Variants in DTNA observed in about 807,000 individuals in gnomAD.
DTNA encodes dystrobrevin alpha, also known as dystrophin-related protein 3.
In DTNA, 43 loss-of-function variants were observed where a neutral mutation model predicts 100.7. The ratio of observed to expected loss-of-function variants is 0.43; its 90% CI spans 0.33 to 0.55. The LOEUF (loss-of-function observed/expected upper bound fraction) is 0.55, where lower values mean the gene tolerates loss of function less well. DTNA is among the 20% of genes least tolerant of loss of function. The pLI is 0.04. For synonymous variants in DTNA, 349 were observed against 347.9 expected (o/e 1.00, Z -0.04); for missense variants, 798 against 953.9 (o/e 0.84, Z 2.15).
intron 1 of DTNA, among the ~76,000 whole-genome samples, chr18:34,668,158 G>A (rs1171674956): frequency 6.6e-6 from 1 of 152,172 alleles, no homozygotes; most frequent in Non-Finnish European, 1.5e-5. Flanking sequence ...TCTTGGGAGG[G>A]TGTATGTGTT....
rs147135020 is a variant in DTNA, at chr18:34,670,593, G to A, written c.-1-85383G>A. ...CTTTGATGATGGTGACATACAGATG[G>A]GGTTTTGGTGTGGATGTCCTTTCTG... On this transcript the variant is annotated intron_variant, in intron 1 of 19. Coordinates refer to the DTNA transcript ENST00000283365. 7.4e-3 allele frequency among the ~76,000 whole-genome samples: 1,126 copies of A among 152,266 alleles called. 16 individuals are homozygous for A. The highest frequency in any genetic ancestry group is 0.026 in the African/African-American group (1,088 of 41,546).
At chr18:34,788,160 C>T (rs2094575383) in intron 3 of DTNA, among the ~76,000 whole-genome samples, 1 of 152,162 alleles carries the variant, frequency 6.6e-6, no homozygotes, top group Non-Finnish European at 1.5e-5. Flanking sequence ...GTCATTATTA[C>T]ACAACCTAAA....
At chr18:34,823,083 T>A (rs2095766482) in intron 9 of DTNA, among the ~76,000 whole-genome samples, 1 of 152,232 alleles carries the variant, frequency 6.6e-6, no homozygotes, top group South Asian at 2.1e-4. Context: ...TTTTTCCATA[T>A]TTGTTTCTTT....
chr18:34,685,424 G>C (rs1404457135), intron 1 of DTNA, among the ~76,000 whole-genome samples: 2 of 152,126 alleles, frequency 1.3e-5, no homozygotes, highest in Non-Finnish European at 2.9e-5. Context: ...GTTTGTGTCA[G>C]GTTTGTCAAA....
chr18:34,650,142 C>T (rs1243872807), intron 1 of DTNA, among the ~76,000 whole-genome samples: 3 of 152,242 alleles, frequency 2.0e-5, no homozygotes, highest in Admixed American at 6.5e-5. Flanking sequence ...CTCCGTTGCA[C>T]GGATCAGCCA....
chr18:34,565,762 A>G (rs1416910986), intron 1 of DTNA, among the ~76,000 whole-genome samples: 2 of 152,180 alleles, frequency 1.3e-5, no homozygotes, highest in Non-Finnish European at 2.9e-5. Flanking sequence ...CCCAAGATCT[A>G]ACTTAATTAT....
intron 1 of DTNA, among the ~76,000 whole-genome samples, chr18:34,603,794 T>A (rs575306413): frequency 6.6e-6 from 1 of 152,338 alleles, no homozygotes; most frequent in Non-Finnish European, 1.5e-5. Flanking sequence ...TTATTATTTC[T>A]TTATGAAGAC....
At chr18:34,513,889 C>G (rs1204422552) in intron 1 of DTNA, 2 of 152,144 alleles carry the variant, frequency 1.3e-5, no homozygotes, top group African/African-American at 4.8e-5. Context: ...CAAATCTCTT[C>G]AATAGAAACC....
chr18:34,858,425 A>C, intron 16 of DTNA, 27 bp downstream of exon 16: 166 of 1,599,598 alleles, frequency 1.0e-4, no homozygotes, highest in Non-Finnish European at 1.3e-4. Flanking sequence ...ATGTCATCTC[A>C]GGGAATATAT....
intron 1 of DTNA, among the ~76,000 whole-genome samples, chr18:34,595,363 G>T (rs551161801): frequency 6.6e-6 from 1 of 151,702 alleles, no homozygotes; most frequent in South Asian, 2.1e-4. Context: ...TGTGGGATTT[G>T]GGTTTTTTTT....
At chr18:34,665,585 C>T (rs970612113) in intron 1 of DTNA, among the ~76,000 whole-genome samples, 1 of 152,128 alleles carries the variant, frequency 6.6e-6, no homozygotes, top group Non-Finnish European at 1.5e-5. Flanking sequence ...CCCTCCACCC[C>T]ACAACAGGCC....
At chr18:34,659,554 C>A (rs955979687) in intron 1 of DTNA, among the ~76,000 whole-genome samples, 15 of 152,036 alleles carry the variant, frequency 9.9e-5, no homozygotes, top group Admixed American at 6.6e-5. Context: ...TCAGTTTGAA[C>A]ATGTTTTTCC....
intron 1 of DTNA, among the ~76,000 whole-genome samples, chr18:34,729,496 G>T (rs772227428): frequency 2.6e-5 from 4 of 152,172 alleles, no homozygotes; most frequent in Non-Finnish European, 4.4e-5. Flanking sequence ...TCAGAACCCC[G>T]CTCTGAGGAA....
intron 3 of DTNA, among the ~76,000 whole-genome samples, chr18:34,775,465 G>C (rs368089873): frequency 6.6e-6 from 1 of 152,074 alleles, no homozygotes; most frequent in African/African-American, 2.4e-5. Flanking sequence ...CTGGGCGACA[G>C]AGCGAGACTC....
intron 17 of DTNA, among the ~76,000 whole-genome samples, chr18:34,864,645 G>A (rs903115558): frequency 6.6e-6 from 1 of 152,170 alleles, no homozygotes; most frequent in Non-Finnish European, 1.5e-5. Flanking sequence ...CTTTATGTCT[G>A]CAAGTAATAA....
chr18:34,756,608 A>T (rs1409735958), intron 2 of DTNA, among the ~76,000 whole-genome samples: 1 of 152,198 alleles, frequency 6.6e-6, no homozygotes, highest in Non-Finnish European at 1.5e-5. Flanking sequence ...TAAGGAAAAT[A>T]AAAGATAAAA....
At chr18:34,753,672 G>A (rs930255116) in intron 1 of DTNA, among the ~76,000 whole-genome samples, 26 of 141,882 alleles carry the variant, frequency 1.8e-4, no homozygotes, top group Admixed American at 4.0e-4. Flanking sequence ...GTGAGCCACC[G>A]CGCCCGGCCT....
intron 1 of DTNA, among the ~76,000 whole-genome samples, chr18:34,516,427 C>T (rs567148479): frequency 6.6e-6 from 1 of 152,186 alleles, no homozygotes; most frequent in East Asian, 1.9e-4. Flanking sequence ...TCATTGATAA[C>T]ATCTTATCAG....
chr18:34,663,244 C>T (rs576710898), intron 1 of DTNA, among the ~76,000 whole-genome samples: 2 of 152,194 alleles, frequency 1.3e-5, no homozygotes, highest in African/African-American at 2.4e-5. Context: ...GCCTTGACCC[C>T]GTGGGCTCAA....
Sources: gnomAD v4.1 joint callset for allele counts (sites outside exome capture counted in the v4.1 genomes callset) on GRCh38, gnomAD v4.1.1 for gene constraint, MANE v1.5 for transcripts, NCBI Gene and HGNC (gene_info 2026-07-23, HGNC 2026-07-21) for gene names.